C8orf89: variants seen among roughly 807,000 people sequenced by gnomAD.
The protein encoded by C8orf89 is chromosome 8 open reading frame 89.
Under a neutral mutation model 15.8 loss-of-function variants are expected in C8orf89, and 14 were observed. The observed-to-expected ratio is 0.89, with a 90% confidence interval of 0.59 to 1.39. The LOEUF (loss-of-function observed/expected upper bound fraction) is 1.39, where lower values mean the gene tolerates loss of function less well. C8orf89 is among the 40% of genes most tolerant of loss of function. The pLI, the probability that C8orf89 is intolerant of heterozygous loss-of-function variation, is 0.00. For synonymous variants in C8orf89, 55 were observed against 62.2 expected (o/e 0.88, Z 0.54); for missense variants, 181 against 184.5 (o/e 0.98, Z 0.11).
chr8:73,256,947 A>G (rs912431168), intron 2 of C8orf89, 26 bp downstream of exon 2: 1 of 1,508,162 alleles, frequency 6.6e-7, no homozygotes, highest in East Asian at 2.5e-5. Flanking sequence ...CATTCAACAA[A>G]TGAGAATTAA....
intron 3 of C8orf89, among the ~76,000 whole-genome samples, chr8:73,243,952 C>T (rs1813066091): frequency 6.6e-6 from 1 of 151,904 alleles, no homozygotes; most frequent in Non-Finnish European, 1.5e-5. Flanking sequence ...CTAAAAACCG[C>T]AATTACTTTT....
At chr8:73,256,413 C>A (rs1359613876) in intron 2 of C8orf89, among the ~76,000 whole-genome samples, 1 of 151,728 alleles carries the variant, frequency 6.6e-6, no homozygotes, top group African/African-American at 2.4e-5. Flanking sequence ...TAGGCTAGGA[C>A]AATCAAGGTT....
At chr8:73,272,650 T>G in the C8orf89 span, among the ~76,000 whole-genome samples, 4 of 151,538 alleles carry the variant, frequency 2.6e-5, no homozygotes, top group Non-Finnish European at 4.4e-5. Context: ...TTCCCCTTCC[T>G]GTGTCCAAGT....
At chr8:73,249,679 A>G (rs1677935319) in intron 3 of C8orf89, among the ~76,000 whole-genome samples, 1 of 152,198 alleles carries the variant, frequency 6.6e-6, no homozygotes, top group Admixed American at 6.5e-5. Context: ...AATAAAATAT[A>G]CCTTAGTACC....
At chr8:73,241,840 AT>A (rs1813013616) in intron 3 of C8orf89, among the ~76,000 whole-genome samples, 1 of 152,328 alleles carries the variant, frequency 6.6e-6, no homozygotes, top group African/African-American at 2.4e-5. Context: ...TAGTGGATTC[AT>A]TTTTAACAAA....
intron 2 of C8orf89, 31 bp from the exon 3 acceptor site, chr8:73,250,354 T>C (rs1813221359): frequency 6.1e-6 from 8 of 1,306,798 alleles, no homozygotes; most frequent in Non-Finnish European, 8.5e-6. Context: ...TAAAATTACT[T>C]ACATATAAAT....
At chr8:73,258,749 G>A (rs1813462816) in intron 1 of C8orf89, among the ~76,000 whole-genome samples, 1 of 150,850 alleles carries the variant, frequency 6.6e-6, no homozygotes, top group African/African-American at 2.4e-5. Flanking sequence ...TCTACCCTCA[G>A]CCTCCTGAGT....
At chr8:73,265,510 C>A in the C8orf89 span, among the ~76,000 whole-genome samples, 1 of 152,110 alleles carries the variant, frequency 6.6e-6, no homozygotes, top group East Asian at 1.9e-4. Context: ...AGGAGATGAC[C>A]CCCCTAAGCT....
chr8:73,261,471 A>G (rs926699021), upstream of C8orf89, among the ~76,000 whole-genome samples: 7 of 151,950 alleles, frequency 4.6e-5, no homozygotes, highest in East Asian at 9.7e-4. Flanking sequence ...AGGGGAGGGA[A>G]GAGAGGAGGG....
chr8:73,271,974 C>CCA, the C8orf89 span, among the ~76,000 whole-genome samples: 1 of 152,164 alleles, frequency 6.6e-6, no homozygotes, highest in African/African-American at 2.4e-5. Context: ...TCATTTCAGA[C>CCA]CACAGTAAGG....
the C8orf89 span, among the ~76,000 whole-genome samples, chr8:73,281,541 G>A: frequency 3.9e-5 from 6 of 152,186 alleles, no homozygotes; most frequent in Non-Finnish European, 8.8e-5. Context: ...GTGGGGAGGA[G>A]TAATTAGTTC....
the C8orf89 span, among the ~76,000 whole-genome samples, chr8:73,266,972 T>C: frequency 6.6e-6 from 1 of 152,188 alleles, no homozygotes; most frequent in African/African-American, 2.4e-5. Context: ...ACTGCAATCA[T>C]GGCAGTCACC....
chr8:73,264,534 A>C, the C8orf89 span, among the ~76,000 whole-genome samples: 1 of 152,184 alleles, frequency 6.6e-6, no homozygotes, highest in African/African-American at 2.4e-5. Flanking sequence ...CTTGTCACCC[A>C]GGCTGGAGTG....
chr8:73,285,354 T>TC, the C8orf89 span, among the ~76,000 whole-genome samples: 2 of 152,202 alleles, frequency 1.3e-5, no homozygotes, highest in East Asian at 3.9e-4. Context: ...CTCAATCTCA[T>TC]CCCCCGACCC....
chr8:73,254,666 T>C (rs1475077480), intron 2 of C8orf89, among the ~76,000 whole-genome samples: 2 of 152,144 alleles, frequency 1.3e-5, no homozygotes, highest in Non-Finnish European at 2.9e-5. Context: ...GGTCTCATCC[T>C]AGGCCCTCCC....
rs142801845 is a variant in C8orf89, at chr8:73,247,214, T to C, written c.337+3054A>G. On this transcript the variant is annotated intron_variant, in intron 3 of 3. Transcript: ENST00000624510. ...CTCCCACCCTCCACACCCTCCTGCA[T>C]TAGTTTGCTAAGGATAATGGCCTCC... 3.0e-3 allele frequency among the ~76,000 whole-genome samples: 443 copies of C among 149,590 alleles called. 1 individual carries two copies. Among genetic ancestry groups the C allele is most frequent in the African/African-American group, 0.01 (418 of 41,064 alleles).
In C8orf89 at chr8:73,250,306, T is replaced by C. The variant is rs1269070008; in HGVS notation, c.299A>G (p.Glu100Gly). The C allele has an allele frequency of 2.6e-6, 4 of 1,531,384 alleles. No homozygotes were observed. Among genetic ancestry groups the C allele is most frequent in the South Asian group, 1.2e-5 (1 of 83,544 alleles). The allele number at this position is 1,531,384 out of a possible 1,614,324, so 94.9% of individuals were successfully genotyped here. Reference protein sequence around the residue: ...VSAVRLKKTKETCSVAPLWEK... With the variant: ...VSAVRLKKTKGTCSVAPLWEK... ...CCAAAGTGGTGCCACACTGCATGTCTCCTTAGTCTTCTTTAGCCTGAATAT... is the reference window on the plus strand; with the variant it reads ...CCAAAGTGGTGCCACACTGCATGTCCCCTTAGTCTTCTTTAGCCTGAATAT... The change falls in exon 3 of 4, where the codon GAG becomes GGG. Residue 100 changes from glutamate to glycine, a missense_variant. Physicochemically the swap from Glu to Gly is moderately conservative, Grantham distance 98. Transcript: ENST00000624510.
chr8:73,268,968 C>A, the C8orf89 span, among the ~76,000 whole-genome samples: 1 of 152,200 alleles, frequency 6.6e-6, no homozygotes, highest in Non-Finnish European at 1.5e-5. Context: ...CCTTTAAGGT[C>A]ACTTTCCAGA....
At chr8:73,284,834 G>A in the C8orf89 span, among the ~76,000 whole-genome samples, 1 of 152,134 alleles carries the variant, frequency 6.6e-6, no homozygotes, top group Non-Finnish European at 1.5e-5. Context: ...AGTCAATAAA[G>A]AGGAGCAAGA....
Sources: gnomAD v4.1 joint callset for allele counts (sites outside exome capture counted in the v4.1 genomes callset) on GRCh38, gnomAD v4.1.1 for gene constraint, MANE v1.5 for transcripts, NCBI Gene and HGNC (gene_info 2026-07-23, HGNC 2026-07-21) for gene names.